The following PTPRD variants were observed in gnomAD, a reference collection of about 807,000 sequenced individuals.
The protein encoded by PTPRD is protein tyrosine phosphatase receptor type D.
Under a neutral mutation model 214.5 loss-of-function variants are expected in PTPRD, and 34 were observed. The observed-to-expected ratio is 0.16, with a 90% CI of 0.12 to 0.21. PTPRD has a LOEUF of 0.21. Ranked by LOEUF, PTPRD falls within the 10% of genes least tolerant of loss-of-function variation. The pLI, the probability that PTPRD is intolerant of heterozygous loss-of-function variation, is 1.00. For missense variants in PTPRD, 2,545 were observed against 2,398.7 expected, an observed-to-expected ratio of 1.06 and a Z score of -1.27; for synonymous variants, 1,128 against 845.7, an observed-to-expected ratio of 1.33 and a Z score of -5.79.
chr9:9,329,621 A>C (rs531298387), intron 9 of PTPRD, among the ~76,000 whole-genome samples: 6 of 152,192 alleles, frequency 3.9e-5, no homozygotes, highest in Non-Finnish European at 7.3e-5. Context: ...ATCTTCTGTT[A>C]GAGAATGTCC....
chr9:10,468,539 C>T (rs2071253015), intron 2 of PTPRD, among the ~76,000 whole-genome samples: 1 of 152,106 alleles, frequency 6.6e-6, no homozygotes, highest in Non-Finnish European at 1.5e-5. Context: ...AAAAGAAATA[C>T]TTAATGTAGA....
intron 5 of PTPRD, among the ~76,000 whole-genome samples, chr9:9,807,740 C>T (rs964238342): frequency 6.6e-6 from 1 of 152,098 alleles, no homozygotes; most frequent in South Asian, 2.1e-4. Flanking sequence ...GATTCTTGAT[C>T]GCTGAAAATT....
intron 11 of PTPRD, among the ~76,000 whole-genome samples, chr9:8,817,027 G>C (rs906443290): frequency 2.0e-5 from 3 of 152,164 alleles, no homozygotes; most frequent in African/African-American, 7.2e-5. Context: ...TAGAATAAGT[G>C]AATCAACAAT....
chr9:9,105,043 G>A (rs2099796540), intron 10 of PTPRD, among the ~76,000 whole-genome samples: 3 of 152,176 alleles, frequency 2.0e-5, no homozygotes, highest in African/African-American at 7.2e-5. Context: ...CCTGCCAACA[G>A]CCTCAGATAA....
intron 9 of PTPRD, among the ~76,000 whole-genome samples, chr9:9,284,921 G>A (rs1948882929): frequency 6.6e-6 from 1 of 151,752 alleles, no homozygotes; most frequent in Non-Finnish European, 1.5e-5. Flanking sequence ...TTAAGTGTTA[G>A]CTATTTGCCT....
At chr9:10,039,388 A>G (rs562890516) in intron 3 of PTPRD, among the ~76,000 whole-genome samples, 1 of 152,148 alleles carries the variant, frequency 6.6e-6, no homozygotes, top group East Asian at 1.9e-4. Flanking sequence ...GTTTTGAGGA[A>G]AAAGGACCTA....
At chr9:9,070,779 A>C (rs1262931792) in intron 10 of PTPRD, among the ~76,000 whole-genome samples, 1 of 152,190 alleles carries the variant, frequency 6.6e-6, no homozygotes, top group Non-Finnish European at 1.5e-5. Context: ...CATTTATCAC[A>C]CTTTATAAGT....
At chr9:9,478,989 TACAC>T (rs1416547520) in intron 8 of PTPRD, among the ~76,000 whole-genome samples, 1 of 152,130 alleles carries the variant, frequency 6.6e-6, no homozygotes, top group African/African-American at 2.4e-5. Flanking sequence ...TAACACATAA[TACAC>T]AGGCTAATTA....
intron 7 of PTPRD, among the ~76,000 whole-genome samples, chr9:9,663,934 T>G (rs529508159): frequency 2.4e-4 from 37 of 151,516 alleles, no homozygotes; most frequent in African/African-American, 8.9e-4. Flanking sequence ...AGATAAAGTT[T>G]TAGAAACTCT....
chr9:10,593,049 A>G (rs1377258185), intron 2 of PTPRD, among the ~76,000 whole-genome samples: 1 of 152,028 alleles, frequency 6.6e-6, no homozygotes, highest in African/African-American at 2.4e-5. Context: ...GGTCTGCGGC[A>G]TCATTCTTGA....
At chr9:9,638,810 C>A (rs1475662991) in intron 7 of PTPRD, among the ~76,000 whole-genome samples, 1 of 152,124 alleles carries the variant, frequency 6.6e-6, no homozygotes, top group African/African-American at 2.4e-5. Context: ...TAGAGGCTGG[C>A]AGATTTGGTG....
At chr9:10,158,797 C>T (rs547940659) in intron 3 of PTPRD, among the ~76,000 whole-genome samples, 1 of 152,166 alleles carries the variant, frequency 6.6e-6, no homozygotes, top group Non-Finnish European at 1.5e-5. Context: ...CTCCTCAGTA[C>T]CTCAGGTCCA....
At chr9:10,102,459 T>C (rs1479205767) in intron 3 of PTPRD, among the ~76,000 whole-genome samples, 1 of 151,604 alleles carries the variant, frequency 6.6e-6, no homozygotes, top group Non-Finnish European at 1.5e-5. Context: ...AGAACTAATG[T>C]CAATATTATT....
chr9:10,303,566 A>G (rs2095942631), intron 3 of PTPRD, among the ~76,000 whole-genome samples: 1 of 152,194 alleles, frequency 6.6e-6, no homozygotes, highest in South Asian at 2.1e-4. Flanking sequence ...TGCAATAAAA[A>G]ATAATAAAGG....
At chr9:9,526,857 C>T (rs1015363317) in intron 8 of PTPRD, among the ~76,000 whole-genome samples, 1 of 151,972 alleles carries the variant, frequency 6.6e-6, no homozygotes, top group Non-Finnish European at 1.5e-5. Flanking sequence ...CTTTATATAC[C>T]TGTAGTTTTC....
intron 2 of PTPRD, among the ~76,000 whole-genome samples, chr9:10,573,220 T>C (rs1205098945): frequency 6.6e-6 from 1 of 152,178 alleles, no homozygotes; most frequent in Non-Finnish European, 1.5e-5. Context: ...TTAATCTTAT[T>C]TTATATCTGT....
rs1335905778 is a variant in PTPRD, at chr9:8,528,713, G to C, written c.419C>G (p.Thr140Ser). Reference sequence around the variant, plus strand: ...TGCACAAAGCATGGTGGCCGTGCGAGTACGCTCAACCACCTTCAACTGTGG... The same window carrying C: ...TGCACAAAGCATGGTGGCCGTGCGACTACGCTCAACCACCTTCAACTGTGG... ...MGPQLKVVERTRTATMLCAAS... is the reference protein window; with the variant it reads ...MGPQLKVVERSRTATMLCAAS... The change falls in exon 15 of 46, where the codon ACT (threonine) becomes AGT (serine). Residue 140 changes from threonine (T) to serine (S), a missense_variant. Thr to Ser is a moderately conservative substitution (Grantham distance 58). Transcript: ENST00000381196. 1 of 1,613,516 alleles carries C rather than the reference G, an allele frequency of 6.2e-7. No individual in the cohort carries two copies. The highest frequency in any genetic ancestry group is 1.3e-5 in the African/African-American group (1 of 74,888).
chr9:9,114,193 A>T (rs1344861931), intron 10 of PTPRD, among the ~76,000 whole-genome samples: 1 of 152,176 alleles, frequency 6.6e-6, no homozygotes, highest in Non-Finnish European at 1.5e-5. Flanking sequence ...TTAAGGTCTG[A>T]TTCCAATTAC....
intron 9 of PTPRD, among the ~76,000 whole-genome samples, chr9:9,364,963 G>T (rs1056452685): frequency 6.6e-6 from 1 of 151,440 alleles, no homozygotes; most frequent in Non-Finnish European, 1.5e-5. Flanking sequence ...ATAAGGTTAA[G>T]TTCTAGGTAC....
Sources: gnomAD v4.1 joint callset for allele counts (sites outside exome capture counted in the v4.1 genomes callset) on GRCh38, gnomAD v4.1.1 for gene constraint, MANE v1.5 for transcripts, NCBI Gene and HGNC (gene_info 2026-07-23, HGNC 2026-07-21) for gene names.